The following TIAM1 variants were observed in gnomAD, a reference collection of about 807,000 sequenced individuals.
The protein encoded by TIAM1 is rho guanine nucleotide exchange factor TIAM1.
Under a neutral mutation model 163.5 loss-of-function variants are expected in TIAM1, and 65 were observed. The ratio of observed to expected loss-of-function variants is 0.40; its 90% CI spans 0.33 to 0.49. TIAM1 has a LOEUF of 0.49. Among genes scored for constraint, TIAM1 ranks in the 20% least tolerant of loss-of-function variants. TIAM1 has a pLI of 0.77. For missense variants in TIAM1, 1,789 were observed against 2,044.7 expected, an observed-to-expected ratio of 0.87 and a Z score of 2.41; for synonymous variants, 833 against 810.1, an observed-to-expected ratio of 1.03 and a Z score of -0.48.
chr21:31,119,323 A>G lies in TIAM1; in HGVS notation c.*1045T>C, dbSNP rs189554357. The G allele has an allele frequency of 1.4e-4, 22 of 152,656 alleles. No individual in the cohort carries two copies. Among genetic ancestry groups the G allele is most frequent in the African/African-American group, 5.3e-4 (22 of 41,540 alleles). 9.5% of individuals were successfully genotyped at this position (152,656 alleles called of 1,614,324 possible). On this transcript the variant is annotated 3_prime_UTR_variant, in exon 28 of 28. Coordinates refer to ENST00000541036, the MANE Select transcript of TIAM1 (RefSeq NM_001353694.2). ...AAGGTAATCTATGGATGAAGATGCAATTTTGATGGAAAAACCAATGATCAC... is the reference window on the plus strand; with the variant it reads ...AAGGTAATCTATGGATGAAGATGCAGTTTTGATGGAAAAACCAATGATCAC...
chr21:31,135,269 G>A (rs2082575005), intron 23 of TIAM1, among the ~76,000 whole-genome samples: 1 of 152,190 alleles, frequency 6.6e-6, no homozygotes, highest in African/African-American at 2.4e-5. Context: ...GCTAACCCAT[G>A]TTTTTTCTCT....
intron 2 of TIAM1, among the ~76,000 whole-genome samples, chr21:31,394,402 A>G (rs1009047967): frequency 6.6e-6 from 1 of 152,204 alleles, no homozygotes; most frequent in South Asian, 2.1e-4. Context: ...AGTGAAACTA[A>G]TTCTGTGGGA....
At chr21:31,323,287 CAAA>C (rs761901697) in intron 2 of TIAM1, among the ~76,000 whole-genome samples, 5 of 99,476 alleles carry the variant, frequency 5.0e-5, no homozygotes, top group African/African-American at 7.7e-5. Flanking sequence ...GACTTTGATT[CAAA>C]AAAAAAAAAA....
intron 1 of TIAM1, among the ~76,000 whole-genome samples, chr21:31,468,017 T>C (rs1602352421): frequency 1.4e-5 from 2 of 141,880 alleles, no homozygotes; most frequent in Admixed American, 7.2e-5. Context: ...ACCTGGGAGG[T>C]GGAGGTTGCA....
chr21:31,194,593 T>A (rs1296061581), intron 13 of TIAM1, among the ~76,000 whole-genome samples: 1 of 152,116 alleles, frequency 6.6e-6, no homozygotes, highest in Non-Finnish European at 1.5e-5. Flanking sequence ...CCAGATCAAA[T>A]AAAAATGGAA....
intron 1 of TIAM1, among the ~76,000 whole-genome samples, chr21:31,526,015 C>G (rs898098692): frequency 7.4e-6 from 1 of 134,316 alleles, no homozygotes; most frequent in Non-Finnish European, 1.5e-5. Context: ...GCCTGGGTGG[C>G]AGAGCAAGAC....
At chr21:31,269,514 G>A (rs774240397) in intron 3 of TIAM1, among the ~76,000 whole-genome samples, 15 of 152,258 alleles carry the variant, frequency 9.9e-5, no homozygotes, top group East Asian at 3.9e-4. Context: ...TAATAAGAAC[G>A]ATGAAAGCCC....
chr21:31,432,091 C>CTTTTTTTTTT lies in TIAM1; in HGVS notation c.-369+31882_-369+31891dup, dbSNP rs11291911. Among the ~76,000 whole-genome samples, 48 of 93,658 alleles carry CTTTTTTTTTT rather than the reference C, an allele frequency of 5.1e-4. 3 individuals carry two copies. The highest frequency in any genetic ancestry group is 2.1e-3 in the African/African-American group (46 of 21,774). The allele number at this position is 93,658 out of a possible 152,430, so 61.4% of individuals were successfully genotyped here. A position where few individuals can be genotyped will look rare whatever the true frequency, so the allele number is the denominator to read the frequency against. ...TGAACATGTCAAAAATCTAAGATTCCTTTTTTTTTTTTTTTTTTTTTTTTT... is the reference window on the plus strand; with the variant it reads ...TGAACATGTCAAAAATCTAAGATTCCTTTTTTTTTTTTTTTTTTTTTTTTTTTTTTTTTTT... On this transcript the variant is annotated intron_variant, in intron 2 of 28. Coordinates refer to the TIAM1 transcript ENST00000286827.
chr21:31,428,082 T>G (rs1222009941), intron 2 of TIAM1, among the ~76,000 whole-genome samples: 1 of 151,862 alleles, frequency 6.6e-6, no homozygotes, highest in African/African-American at 2.4e-5. Context: ...ATCAACATGG[T>G]GAAACCCTGT....
intron 1 of TIAM1, among the ~76,000 whole-genome samples, chr21:31,521,481 A>C (rs1338023459): frequency 1.3e-5 from 2 of 152,180 alleles, no homozygotes; most frequent in Non-Finnish European, 2.9e-5. Flanking sequence ...CACACCTGTA[A>C]TCCCAGTGAT....
intron 2 of TIAM1, among the ~76,000 whole-genome samples, chr21:31,322,295 C>T (rs886542706): frequency 1.3e-5 from 2 of 152,164 alleles, no homozygotes; most frequent in African/African-American, 4.8e-5. Flanking sequence ...CCTCCTGGAC[C>T]ACAGTCTTCC....
intron 2 of TIAM1, among the ~76,000 whole-genome samples, chr21:31,410,478 T>A (rs1179430363): frequency 7.9e-6 from 1 of 127,384 alleles, no homozygotes; most frequent in Non-Finnish European, 1.6e-5. Context: ...TGTGAGCGAC[T>A]GTGTAAGAGT....
intron 2 of TIAM1, among the ~76,000 whole-genome samples, chr21:31,421,849 G>C (rs956082719): frequency 3.3e-5 from 5 of 152,186 alleles, no homozygotes; most frequent in Non-Finnish European, 7.4e-5. Flanking sequence ...AATTAGTCAG[G>C]CATGGTAGTG....
chr21:31,543,004 C>A (rs2048368881), intron 1 of TIAM1, among the ~76,000 whole-genome samples: 1 of 151,918 alleles, frequency 6.6e-6, no homozygotes, highest in Admixed American at 6.6e-5. Context: ...AAAAACAGGT[C>A]CAGAAGGGCT....
intron 4 of TIAM1, among the ~76,000 whole-genome samples, chr21:31,256,617 A>ACACACACG (rs2146769495): frequency 6.6e-6 from 1 of 151,268 alleles, no homozygotes; most frequent in South Asian, 2.1e-4. Flanking sequence ...ACACACACAC[A>ACACACACG]CACACACACA....
chr21:31,146,715 A>AAAAAAAAAAATG lies in TIAM1; in HGVS notation c.3475+179_3475+180insCATTTTTTTTTT, dbSNP rs1171956542. On this transcript the variant is annotated intron_variant, in intron 20 of 27. Coordinates refer to ENST00000541036, the MANE Select transcript of TIAM1 (RefSeq NM_001353694.2). ...AACAGAGTGAGACTCTGTCTCAAAAAAAAAAAAAATGAAAAAAAAATGAAT... is the reference window on the plus strand; with the variant it reads ...AACAGAGTGAGACTCTGTCTCAAAAAAAAAAAAAAATGAAAAAAAAATGAAAAAAAAATGAAT... Among the ~76,000 whole-genome samples, 103 of 151,618 alleles carry AAAAAAAAAAATG rather than the reference A, an allele frequency of 6.8e-4. 1 individual carries two copies. The highest frequency in any genetic ancestry group is 1.3e-3 in the Non-Finnish European group (88 of 67,888).
chr21:31,399,827 A>G (rs908150213), intron 2 of TIAM1, among the ~76,000 whole-genome samples: 6 of 152,234 alleles, frequency 3.9e-5, no homozygotes, highest in Non-Finnish European at 7.3e-5. Flanking sequence ...ATACCAGCTC[A>G]TAAATGTCTC....
chr21:31,398,361 G>C (rs1484625414), intron 2 of TIAM1, among the ~76,000 whole-genome samples: 1 of 152,084 alleles, frequency 6.6e-6, no homozygotes, highest in East Asian at 1.9e-4. Flanking sequence ...GGGGAGACCT[G>C]GTCAGTTTTC....
chr21:31,147,287 C>A (rs2083168557), intron 19 of TIAM1, among the ~76,000 whole-genome samples: 1 of 152,114 alleles, frequency 6.6e-6, no homozygotes, highest in South Asian at 2.1e-4. Flanking sequence ...CCTATCCGGG[C>A]TGTTTGAATG....
Sources: allele counts gnomAD v4.1 joint callset (sites outside exome capture counted in the v4.1 genomes callset), GRCh38; gene constraint gnomAD v4.1.1; transcripts MANE v1.5; gene names NCBI Gene and HGNC (gene_info 2026-07-23, HGNC 2026-07-21).